Variants in FAM135B observed in about 807,000 individuals in gnomAD.
FAM135B encodes the protein protein FAM135B.
In FAM135B, 43 loss-of-function variants were observed where a neutral mutation model predicts 127.7. The observed-to-expected ratio is 0.34, with a 90% CI of 0.26 to 0.43. The LOEUF (loss-of-function observed/expected upper bound fraction) is 0.43, where lower values mean the gene tolerates loss of function less well. Among genes scored for constraint, FAM135B ranks in the 20% least tolerant of loss-of-function variants. The pLI is 1.00. For synonymous variants in FAM135B, 670 were observed against 665.1 expected (o/e 1.01, Z -0.11); for missense variants, 1,558 against 1,725.6 (o/e 0.90, Z 1.72).
intron 1 of FAM135B, among the ~76,000 whole-genome samples, chr8:138,464,717 C>T (rs1837299980): frequency 6.6e-6 from 1 of 152,176 alleles, no homozygotes; most frequent in Non-Finnish European, 1.5e-5. Flanking sequence ...ACAGTGGGCC[C>T]ACTGCCCAGA....
chr8:138,366,765 A>C (rs2131209231), intron 2 of FAM135B, among the ~76,000 whole-genome samples: 1 of 152,290 alleles, frequency 6.6e-6, no homozygotes, highest in Non-Finnish European at 1.5e-5. Flanking sequence ...TAAAATGTAC[A>C]TTGAGTCTTA....
At chr8:138,277,330 C>T (rs1297175333) in intron 3 of FAM135B, among the ~76,000 whole-genome samples, 1 of 152,164 alleles carries the variant, frequency 6.6e-6, no homozygotes, top group Non-Finnish European at 1.5e-5. Flanking sequence ...GGGAGAGGTT[C>T]CCTCTCTCCA....
At chr8:138,254,955 A>G (rs964025176) in intron 5 of FAM135B, among the ~76,000 whole-genome samples, 1 of 151,976 alleles carries the variant, frequency 6.6e-6, no homozygotes, top group Non-Finnish European at 1.5e-5. Context: ...ACAGTCCCAT[A>G]ATGGATTAGA....
chr8:138,429,891 G>T (rs543856820), intron 1 of FAM135B, among the ~76,000 whole-genome samples: 1 of 152,252 alleles, frequency 6.6e-6, no homozygotes, highest in South Asian at 2.1e-4. Context: ...AACTGACTGA[G>T]GCCTGAGAAG....
intron 4 of FAM135B, among the ~76,000 whole-genome samples, chr8:138,261,790 T>C (rs1822557680): frequency 6.6e-6 from 1 of 152,210 alleles, no homozygotes; most frequent in Non-Finnish European, 1.5e-5. Context: ...GAATTTCTTA[T>C]AGCACATGGA....
chr8:138,422,463 G>A (rs1034806626), intron 1 of FAM135B, among the ~76,000 whole-genome samples: 1 of 152,090 alleles, frequency 6.6e-6, no homozygotes, highest in Non-Finnish European at 1.5e-5. Context: ...CAAAGGACAT[G>A]AACAGACACT....
intron 3 of FAM135B, among the ~76,000 whole-genome samples, chr8:138,297,868 C>T (rs1458964823): frequency 1.3e-5 from 2 of 152,210 alleles, no homozygotes; most frequent in African/African-American, 2.4e-5. Context: ...CTTGCTGGGC[C>T]AGCTGCATGG....
intron 1 of FAM135B, among the ~76,000 whole-genome samples, chr8:138,417,285 C>G (rs35385335): frequency 0.13 from 19,385 of 152,208 alleles, 2,004 homozygotes; most frequent in East Asian, 0.45. Context: ...GCAACACAGC[C>G]TCAGCTGCCC....
At position 138,490,868 on chromosome 8, in the gene FAM135B, C is replaced by T. The variant is rs986155061; in HGVS notation, c.-20+5803G>A. ...AGAAGAGAAAGAAAAATAGGCCAGG[C>T]GCGGTGGATCATGCCTGTAATCCCA... On this transcript the variant is annotated intron_variant, in intron 1 of 19. Transcript: ENST00000395297. 9.2e-5 allele frequency among the ~76,000 whole-genome samples: 14 copies of T among 152,212 alleles called. 1 individual carries two copies. The highest frequency in any genetic ancestry group is 6.2e-4 in the South Asian group (3 of 4,816).
At chr8:138,429,713 A>G (rs910402267) in intron 1 of FAM135B, among the ~76,000 whole-genome samples, 8 of 152,340 alleles carry the variant, frequency 5.3e-5, no homozygotes, top group Admixed American at 3.9e-4. Context: ...GCTTACAAGT[A>G]GAACAGCAGA....
intron 1 of FAM135B, among the ~76,000 whole-genome samples, chr8:138,480,476 G>A (rs1466541258): frequency 2.0e-5 from 3 of 152,132 alleles, no homozygotes; most frequent in African/African-American, 7.2e-5. Context: ...GCCCTGTGGA[G>A]AAAGACAGAC....
chr8:138,399,582 A>T (rs982095293), intron 1 of FAM135B, among the ~76,000 whole-genome samples: 18 of 152,210 alleles, frequency 1.2e-4, no homozygotes, highest in African/African-American at 4.3e-4. Context: ...GATTTTATAG[A>T]TGGGGGTTCT....
intron 6 of FAM135B, among the ~76,000 whole-genome samples, chr8:138,245,415 G>C (rs534118812): frequency 3.3e-5 from 5 of 152,076 alleles, no homozygotes; most frequent in Non-Finnish European, 5.9e-5. Context: ...CATGGGGGTG[G>C]TTACCTCCAT....
chr8:138,316,173 TA>T (rs1827071285), intron 2 of FAM135B, among the ~76,000 whole-genome samples: 1 of 152,210 alleles, frequency 6.6e-6, no homozygotes, highest in South Asian at 2.1e-4. Flanking sequence ...AATAAATGTT[TA>T]AAAAAGATAT....
intron 1 of FAM135B, among the ~76,000 whole-genome samples, chr8:138,470,851 A>T (rs1350350820): frequency 6.6e-6 from 1 of 152,216 alleles, no homozygotes; most frequent in East Asian, 1.9e-4. Context: ...ATCATGCAGA[A>T]TATAAATATT....
chr8:138,314,725 T>TAAATAAATAAATAAATAAATA (rs766795967), intron 2 of FAM135B, among the ~76,000 whole-genome samples: 2,326 of 48,708 alleles, frequency 0.048, 37 homozygotes, highest in Middle Eastern at 0.11. Flanking sequence ...ATAAATAAAT[T>TAAATAAATAAATAAATAAATA]AGCTGGGTGT....
At chr8:138,352,649 T>C (rs1333425349) in intron 2 of FAM135B, among the ~76,000 whole-genome samples, 2 of 152,210 alleles carry the variant, frequency 1.3e-5, no homozygotes, top group Non-Finnish European at 2.9e-5. Flanking sequence ...CATTTTGGCA[T>C]CCATGCCTAT....
intron 7 of FAM135B, among the ~76,000 whole-genome samples, chr8:138,239,847 T>C (rs1427173834): frequency 1.3e-5 from 2 of 152,092 alleles, no homozygotes; most frequent in Non-Finnish European, 2.9e-5. Context: ...CTGTCCTTTG[T>C]AGGGACATGG....
intron 9 of FAM135B, among the ~76,000 whole-genome samples, chr8:138,189,382 T>C (rs1294507532): frequency 1.3e-5 from 2 of 152,228 alleles, no homozygotes; most frequent in African/African-American, 4.8e-5. Flanking sequence ...CAACCTCATT[T>C]TTCCTGGATG....
Sources: gnomAD v4.1 joint callset for allele counts (sites outside exome capture counted in the v4.1 genomes callset) on GRCh38, gnomAD v4.1.1 for gene constraint, MANE v1.5 for transcripts, NCBI Gene and HGNC (gene_info 2026-07-23, HGNC 2026-07-21) for gene names.